Variants in MYO6 observed in about 807,000 individuals in gnomAD.
MYO6 encodes unconventional myosin-VI.
Under a neutral mutation model 178.7 loss-of-function variants are expected in MYO6, and 74 were observed. That is an observed-to-expected ratio of 0.41 (90% CI 0.34 to 0.50). The LOEUF (loss-of-function observed/expected upper bound fraction) is 0.50. MYO6 is among the 20% of genes least tolerant of loss of function. The pLI is 0.09. For missense variants in MYO6, 1,330 were observed against 1,547.4 expected, an observed-to-expected ratio of 0.86 and a Z score of 2.36; for synonymous variants, 477 against 504.6, an observed-to-expected ratio of 0.95 and a Z score of 0.73.
intron 3 of MYO6, among the ~76,000 whole-genome samples, chr6:75,826,249 A>G (rs776871063): frequency 2.6e-5 from 4 of 152,182 alleles, no homozygotes; most frequent in Non-Finnish European, 5.9e-5. Context: ...CTTCTTGAAA[A>G]TGGAATGGCC....
chr6:75,877,092 C>T (rs1305072156), intron 20 of MYO6, among the ~76,000 whole-genome samples: 3 of 152,042 alleles, frequency 2.0e-5, no homozygotes, highest in Non-Finnish European at 4.4e-5. Context: ...ATTCTCCTGC[C>T]TCAGCCTCCC....
intron 1 of MYO6, among the ~76,000 whole-genome samples, chr6:75,786,804 C>T (rs1767610923): frequency 6.6e-6 from 1 of 152,160 alleles, no homozygotes; most frequent in African/African-American, 2.4e-5. Context: ...AACTTTTTGA[C>T]TGTAAGTTGA....
chr6:75,853,182 G>A (rs749817485), intron 11 of MYO6, among the ~76,000 whole-genome samples: 1 of 152,038 alleles, frequency 6.6e-6, no homozygotes, highest in Non-Finnish European at 1.5e-5. Flanking sequence ...TATTAATTGG[G>A]TTGTCTTTTT....
At chr6:75,837,169 T>C (rs1262124684) in intron 7 of MYO6, among the ~76,000 whole-genome samples, 4 of 152,230 alleles carry the variant, frequency 2.6e-5, no homozygotes, top group African/African-American at 9.6e-5. Flanking sequence ...ATAATGGTGG[T>C]AATAACATAT....
chr6:75,818,799 A>T (rs1771560094), intron 2 of MYO6, among the ~76,000 whole-genome samples: 1 of 152,198 alleles, frequency 6.6e-6, no homozygotes, highest in African/African-American at 2.4e-5. Context: ...AGGACAGGAA[A>T]GACAAAGTGT....
At chr6:75,874,657 T>C (rs981878327) in intron 20 of MYO6, among the ~76,000 whole-genome samples, 3 of 152,238 alleles carry the variant, frequency 2.0e-5, no homozygotes, top group Non-Finnish European at 4.4e-5. Flanking sequence ...TGTTTATGTT[T>C]GTCATACTAT....
intron 1 of MYO6, among the ~76,000 whole-genome samples, chr6:75,806,937 T>A (rs917408681): frequency 2.6e-5 from 4 of 152,096 alleles, no homozygotes; most frequent in Non-Finnish European, 5.9e-5. Flanking sequence ...TGTCTTTAAT[T>A]CCTCTAGTGC....
At chr6:75,907,940 G>T (rs72674546) in intron 31 of MYO6, among the ~76,000 whole-genome samples, 3 of 152,060 alleles carry the variant, frequency 2.0e-5, no homozygotes, top group Admixed American at 1.3e-4. Context: ...AACAATTAGA[G>T]TAAAATACTA....
At chr6:75,895,434 A>G (rs1012925954) in intron 29 of MYO6, among the ~76,000 whole-genome samples, 174 bp downstream of exon 29, 2 of 152,034 alleles carry the variant, frequency 1.3e-5, no homozygotes, top group African/African-American at 4.8e-5. Flanking sequence ...GCTCAATCAC[A>G]GTAGCTCATG....
At chr6:75,800,829 T>G (rs1016792276) in intron 1 of MYO6, among the ~76,000 whole-genome samples, 11 of 152,200 alleles carry the variant, frequency 7.2e-5, no homozygotes, top group African/African-American at 2.7e-4. Flanking sequence ...CAAGCAGTTC[T>G]CGTGTGTCAG....
intron 1 of MYO6, among the ~76,000 whole-genome samples, chr6:75,812,719 G>A (rs1770816831): frequency 6.6e-6 from 1 of 151,706 alleles, no homozygotes. Context: ...TTCTTTGTCT[G>A]ATGTGTTTCA....
rs1344780366 is a variant in MYO6, at chr6:75,822,830, A to G, written c.166A>G (p.Lys56Glu). 3 of 1,612,820 alleles carry G rather than the reference A, an allele frequency of 1.9e-6. No homozygotes were observed. The highest frequency in any genetic ancestry group is 2.5e-6 in the Non-Finnish European group (3 of 1,179,084). ...AGTGTTTCCTGCAGAAGAGGACAGT[A>G]AAAAAGATGTGGAAGATAACTGTAA... Reference protein sequence around the residue: ...NQVFPAEEDSKKDVEDNCSLM... With the variant: ...NQVFPAEEDSEKDVEDNCSLM... Residue 56 changes from lysine (K) to glutamate (E), a missense_variant, in exon 3 of 35, where the codon AAA (lysine) becomes GAA (glutamate). Lys to Glu is a moderately conservative substitution (Grantham distance 56). Coordinates refer to ENST00000369977, the MANE Select transcript of MYO6 (RefSeq NM_004999.4).
intron 1 of MYO6, among the ~76,000 whole-genome samples, chr6:75,775,675 G>C (rs555683329): frequency 6.6e-6 from 1 of 152,202 alleles, no homozygotes; most frequent in South Asian, 2.1e-4. Context: ...GGCTGCTCAG[G>C]GCTTCAGCTT....
At chr6:75,888,694 T>C (rs1197602364) in intron 25 of MYO6, among the ~76,000 whole-genome samples, 1 of 152,180 alleles carries the variant, frequency 6.6e-6, no homozygotes, top group Admixed American at 6.5e-5. Flanking sequence ...ATTTTTACAG[T>C]ATAATTTTAC....
intron 6 of MYO6, among the ~76,000 whole-genome samples, chr6:75,835,200 T>C (rs1773520265): frequency 6.6e-6 from 1 of 152,230 alleles, no homozygotes; most frequent in African/African-American, 2.4e-5. Flanking sequence ...GAATATGATA[T>C]ATTTAAAATC....
At chr6:75,859,985 T>A (rs1170561811) in intron 14 of MYO6, among the ~76,000 whole-genome samples, 1 of 152,130 alleles carries the variant, frequency 6.6e-6, no homozygotes, top group Non-Finnish European at 1.5e-5. Context: ...CAGGTCTCTC[T>A]GCTTCTGCCT....
rs761331072 is a variant in MYO6, at chr6:75,817,537, C to T, written c.-11C>T. On this transcript the variant is annotated 5_prime_UTR_variant, in exon 2 of 35. Coordinates refer to ENST00000369977, the MANE Select transcript of MYO6 (RefSeq NM_004999.4). ...TAGTGGAAACAGGAGATCGTGGATC[C>T]TCCTTCAAAAATGGAGGATGGAAAG... 2 of 1,609,040 alleles carry T rather than the reference C, an allele frequency of 1.2e-6. No homozygotes were observed. Among genetic ancestry groups the T allele is most frequent in the East Asian group, 2.2e-5 (1 of 44,874 alleles).
At chr6:75,895,797 T>C (rs1779256245) in intron 29 of MYO6, among the ~76,000 whole-genome samples, 1 of 152,192 alleles carries the variant, frequency 6.6e-6, no homozygotes, top group South Asian at 2.1e-4. Flanking sequence ...ATTACAGGCG[T>C]GAGTCACTGT....
At chr6:75,811,107 G>A (rs10806047) in intron 1 of MYO6, among the ~76,000 whole-genome samples, 2 of 151,774 alleles carry the variant, frequency 1.3e-5, no homozygotes, top group African/African-American at 4.8e-5. Flanking sequence ...TCTCTTGGTG[G>A]GGGTGGTGGG....
Sources: gnomAD v4.1 joint callset for allele counts (sites outside exome capture counted in the v4.1 genomes callset) on GRCh38, gnomAD v4.1.1 for gene constraint, MANE v1.5 for transcripts, NCBI Gene and HGNC (gene_info 2026-07-23, HGNC 2026-07-21) for gene names.